Variants in HIP1R observed in about 807,000 individuals in gnomAD.
HIP1R encodes huntingtin interacting protein 1 related, also known as huntingtin-interacting protein 1-related protein.
A neutral mutation model predicts 144.2 loss-of-function variants in HIP1R; 135 were observed. That is an observed-to-expected ratio of 0.94 (90% CI 0.81 to 1.08). The LOEUF (loss-of-function observed/expected upper bound fraction) is 1.08. Ranked by LOEUF, HIP1R falls within the 50% of genes least tolerant of loss-of-function variation. The probability of loss-of-function intolerance (pLI) is 0.00; values close to 1 mark genes in which losing one functional copy is unlikely to be tolerated. For missense variants in HIP1R, 1,462 were observed against 1,432.8 expected, an observed-to-expected ratio of 1.02 and a Z score of -0.33; for synonymous variants, 698 against 612.8, an observed-to-expected ratio of 1.14 and a Z score of -2.05.
chr12:122,846,081 G>A (rs904244178), intron 1 of HIP1R, among the ~76,000 whole-genome samples: 2 of 152,232 alleles, frequency 1.3e-5, no homozygotes, highest in African/African-American at 2.4e-5. Context: ...CAGCTCAGGT[G>A]TCGGCAGCTG....
intron 31 of HIP1R, 27 bp from the exon 32 acceptor site, chr12:122,861,679 C>T (rs763935437): frequency 2.5e-6 from 4 of 1,613,464 alleles, no homozygotes; most frequent in Non-Finnish European, 3.4e-6. Context: ...GCTGTGACCA[C>T]TGACCCCCCA....
chr12:122,855,384 G>C lies in HIP1R; in HGVS notation c.972G>C (p.Gly324=), dbSNP rs1241691588. 6.3e-7 allele frequency: 1 copy of C among 1,576,716 alleles called. No individual in the cohort carries two copies. Among genetic ancestry groups the C allele is most frequent in the Non-Finnish European group, 8.6e-7 (1 of 1,162,814 alleles). The change falls in exon 11 of 32, where the codon GGG becomes GGC. Residue 324 remains glycine (G), a synonymous_variant. Coordinates refer to ENST00000253083, the MANE Select transcript of HIP1R (RefSeq NM_003959.3). ...EPENLIEIST[G]PPAGEPVVVA... is the part of the protein sequence containing the mutation. ...AGAATCTCATTGAGATCAGCACAGG[G>C]CCCCCCGCGGGGGAGCCAGTGGTGA...
chr12:122,834,756 T>TGGAGCTGGCGAGGTGTCCGGTTGC (rs2135617542), upstream of HIP1R: 2 of 372,894 alleles, frequency 5.4e-6, no homozygotes, highest in South Asian at 4.0e-5. Flanking sequence ...CCATTGTCCC[T>TGGAGCTGGCGAGGTGTCCGGTTGC]GGAGCTGGCG....
intron 1 of HIP1R, among the ~76,000 whole-genome samples, chr12:122,845,755 C>A (rs1037670985): frequency 1.3e-5 from 2 of 152,216 alleles, no homozygotes; most frequent in South Asian, 4.2e-4. Flanking sequence ...TTCAACAGGG[C>A]GGCTGCAGGA....
intron 24 of HIP1R, 104 bp downstream of exon 24, chr12:122,859,934 T>C (rs987746251): frequency 5.8e-5 from 85 of 1,468,004 alleles, no homozygotes; most frequent in Non-Finnish European, 7.6e-5. Context: ...AAGGCCTGGC[T>C]CAGAGCAGAC....
At position 122,856,695 on chromosome 12, in the gene HIP1R, G is replaced by T. The variant is rs780494157; in HGVS notation, c.1589G>T (p.Arg530Leu). The change falls in exon 17 of 32, where the codon CGC becomes CTC. Residue 530 changes from arginine (R) to leucine (L), a missense_variant. Arg to Leu is a moderately radical substitution (Grantham distance 102). Around this residue, in one of 2 missense-constraint regions of HIP1R, gnomAD observed 1,112 missense variants for 1,011.7 expected, o/e 1.10. Transcript: ENST00000253083. The part of the protein sequence containing the change: ...ELEAKAGELA[R>L]AQEALSHTEQ... The stretch of plus-strand genomic sequence containing the variant: ...GAGGCCAAGGCCGGAGAGCTGGCCC[G>T]CGCGCAGGAGGCCCTGAGCCACACA... The T allele has an allele frequency of 6.3e-7, 1 of 1,589,324 alleles. No homozygotes were observed.
chr12:122,860,692 A>C lies in HIP1R; in HGVS notation c.2674A>C (p.Lys892Gln). ...GATQLVEAAD[K>Q]VVLHTGKYEE... ...CTTGACCCGCAGGGAGGCAGCTGAC[A>C]AGGTGGTGCTTCACACGGGCAAGTA... is the stretch of plus-strand genomic sequence containing the variant. The change falls in exon 28 of 32, where the codon AAG becomes CAG. Residue 892 changes from lysine to glutamine, a missense_variant. Around this residue, in one of 2 missense-constraint regions of HIP1R, gnomAD observed 1,112 missense variants for 1,011.7 expected, o/e 1.10. Transcript: ENST00000253083. 6.2e-7 allele frequency: 1 copy of C among 1,613,296 alleles called. No homozygotes were observed. The highest frequency in any genetic ancestry group is 1.1e-5 in the South Asian group (1 of 91,086).
Position 122,857,130 on chromosome 12 carries a change from T to G in HIP1R, c.1730T>G (p.Val577Gly), listed in dbSNP as rs1163189710. ...GACCTGCTGGCGGCGCAGAGCCTGG[T>G]GCGCGAGACAGAGGCGGCGCTGAGC... is the stretch of plus-strand genomic sequence containing the variant. ...EADLLAAQSL[V>G]RETEAALSRE... The change falls in exon 18 of 32, where the codon GTG becomes GGG. Residue 577 changes from valine to glycine, a missense_variant. Physicochemically the swap from Val to Gly is moderately radical, Grantham distance 109. This residue lies in a region of HIP1R where 1,112 missense variants were observed against 1,011.7 expected (regional missense o/e 1.10). Transcript: ENST00000253083. The G allele has an allele frequency of 1.3e-6, 2 of 1,550,442 alleles. No homozygotes were observed. The highest frequency in any genetic ancestry group is 1.7e-6 in the Non-Finnish European group (2 of 1,146,946).
chr12:122,857,519 A>G, intron 18 of HIP1R: 1 of 518,516 alleles, frequency 1.9e-6, no homozygotes, highest in Non-Finnish European at 3.5e-6. Context: ...GCTGTTGTAA[A>G]TAGTGCTGCT....
rs755221429 is a variant in HIP1R, at chr12:122,858,342, C to T, written c.1964-7C>T. On this transcript the variant is annotated splice_region_variant and splice_polypyrimidine_tract_variant and intron_variant, in intron 19 of 31. Transcript: ENST00000253083. The stretch of plus-strand genomic sequence containing the variant: ...GGCAGGGGCCTCAGTTCTCCTCGTG[C>T]TTGCAGACTACCTGGTGAGCAGGGC... 2.5e-5 allele frequency: 40 copies of T among 1,605,938 alleles called. No individual in the cohort carries two copies. Among genetic ancestry groups the T allele is most frequent in the Non-Finnish European group, 3.1e-5 (37 of 1,175,304 alleles).
intron 1 of HIP1R, among the ~76,000 whole-genome samples, chr12:122,845,547 G>A (rs564095507): frequency 7.1e-4 from 108 of 152,332 alleles, no homozygotes; most frequent in Non-Finnish European, 1.3e-3. Flanking sequence ...TGCATTCCTG[G>A]GGCCTCCCTC....
At chr12:122,855,465 G>A in intron 11 of HIP1R, 60 bp downstream of exon 11, 1 of 1,547,650 alleles carries the variant, frequency 6.5e-7, no homozygotes, top group Non-Finnish European at 8.7e-7. Flanking sequence ...AGGCCAACGG[G>A]AGTGTCGGGT....
chr12:122,858,094 A>G lies in HIP1R; in HGVS notation c.1816-8A>G, dbSNP rs775876161. ...TCTCTAACCTGTCCTCTTCACCCCC[A>G]TTGCCAGGAGTCTCAGGAGCAGGGG... On this transcript the variant is annotated splice_polypyrimidine_tract_variant and splice_region_variant and intron_variant, in intron 18 of 31. Transcript: ENST00000253083. The G allele has an allele frequency of 1.3e-6, 2 of 1,567,840 alleles. No homozygotes were observed. The highest frequency in any genetic ancestry group is 2.3e-5 in the South Asian group (2 of 87,060).
chr12:122,859,092 C>T lies in HIP1R; in HGVS notation c.2190C>T (p.Ala730=), dbSNP rs1243930058. ...TAGACACCTGCAGGGAGTGCGGGGC[C>T]CGGGCTCTGGAGCTCATGGGGCAGC... ...RLIDTCRECG[A]RALELMGQLQ... The change falls in exon 22 of 32, where the codon GCC becomes GCT. Residue 730 remains alanine (A), a synonymous_variant. Transcript: ENST00000253083. 6 of 1,603,550 alleles carry T rather than the reference C, an allele frequency of 3.7e-6. No individual in the cohort carries two copies. In the African/African-American group the frequency reaches 5.3e-5, roughly 14 times the overall value.
chr12:122,854,513 TG>T (rs2033502391), intron 8 of HIP1R, among the ~76,000 whole-genome samples: 1 of 152,154 alleles, frequency 6.6e-6, no homozygotes. Flanking sequence ...AAAAGGTGTC[TG>T]GGGTGTTAGG....
Position 122,862,074 on chromosome 12 carries a change from G to C in HIP1R, c.*321G>C. 3.0e-6 allele frequency: 1 copy of C among 329,096 alleles called. No individual in the cohort carries two copies. Among genetic ancestry groups the C allele is most frequent in the Non-Finnish European group, 5.5e-6 (1 of 180,808 alleles). 20.4% of individuals were successfully genotyped at this position (329,096 alleles called of 1,614,324 possible). A position where few individuals can be genotyped will look rare whatever the true frequency, so the allele number is the denominator to read the frequency against. On this transcript the variant is annotated 3_prime_UTR_variant, in exon 32 of 32. Transcript: ENST00000253083. ...CAGAAAATAGTGTTTTTAATATTCC[G>C]AGCTAGAGCTCTTCTTCCTACGTTT... is the stretch of plus-strand genomic sequence containing the variant.
intron 7 of HIP1R, among the ~76,000 whole-genome samples, chr12:122,851,571 A>AGG (rs2033396427): frequency 6.6e-6 from 1 of 151,988 alleles, no homozygotes; most frequent in African/African-American, 2.4e-5. Flanking sequence ...GTGGTGGCGC[A>AGG]CGCCTGTATT....
At position 122,860,503 on chromosome 12, in the gene HIP1R, C is replaced by T. The variant is rs1050973709; in HGVS notation, c.2640C>T (p.Gly880=). 1 of 1,609,700 alleles carries T rather than the reference C, an allele frequency of 6.2e-7. No individual in the cohort carries two copies. The highest frequency in any genetic ancestry group is 1.7e-5 in the Admixed American group (1 of 59,992). The change falls in exon 27 of 32, where the codon GGC becomes GGT. Residue 880 remains glycine, a synonymous_variant. Coordinates refer to ENST00000253083, the MANE Select transcript of HIP1R (RefSeq NM_003959.3). ...TCATCTCGGCCTCCAAGGCTGTGGG[C>T]TGGGGAGCCACACAGCTGGTGTAGG... is the stretch of plus-strand genomic sequence containing the variant. The part of the protein sequence containing the change: ...EGLISASKAV[G]WGATQLVEAA...
At chr12:122,860,318 A>T in intron 26 of HIP1R, 105 bp from the exon 27 acceptor site, 1 of 1,542,546 alleles carries the variant, frequency 6.5e-7, no homozygotes, top group South Asian at 1.2e-5. Flanking sequence ...GGCCTCAGGG[A>T]TGCGCCCTAT....
Sources: allele counts gnomAD v4.1 joint callset (sites outside exome capture counted in the v4.1 genomes callset), GRCh38; gene constraint gnomAD v4.1.1; regional missense constraint gnomAD v4.1.1; transcripts MANE v1.5; gene names NCBI Gene and HGNC (gene_info 2026-07-23, HGNC 2026-07-21).